POLR3A: variants seen among roughly 807,000 people sequenced by gnomAD.
POLR3A encodes RNA polymerase III subunit A, also known as DNA-directed RNA polymerase III subunit RPC1.
A neutral mutation model predicts 152.8 loss-of-function variants in POLR3A; 112 were observed. That is an observed-to-expected ratio of 0.73 (90% CI 0.63 to 0.86). The LOEUF (loss-of-function observed/expected upper bound fraction) is 0.86. Among genes scored for constraint, POLR3A ranks in the 40% least tolerant of loss-of-function variants. POLR3A has a pLI of 0.00. For synonymous variants in POLR3A, 615 were observed against 652.1 expected, an observed-to-expected ratio of 0.94 and a Z score of 0.87; for missense variants, 1,385 against 1,743.1, an observed-to-expected ratio of 0.79 and a Z score of 3.66.
At chr10:77,979,535 C>G (rs888698960) in intron 30 of POLR3A, among the ~76,000 whole-genome samples, 13 of 152,248 alleles carry the variant, frequency 8.5e-5, no homozygotes, top group Admixed American at 8.5e-4. Context: ...CAGGCCAGCA[C>G]AGCCCCATAA....
intron 21 of POLR3A, among the ~76,000 whole-genome samples, chr10:77,986,647 G>A (rs550617536): frequency 6.6e-6 from 1 of 152,242 alleles, no homozygotes; most frequent in African/African-American, 2.4e-5. Context: ...CACACTTTGA[G>A]CTTACCTTCA....
At chr10:78,028,854 T>A (rs948158099) in intron 1 of POLR3A, among the ~76,000 whole-genome samples, 9 of 150,846 alleles carry the variant, frequency 6.0e-5, no homozygotes, top group Non-Finnish European at 1.3e-4. Flanking sequence ...CCTAATAACG[T>A]ATTTCTGAAG....
chr10:78,008,156 T>C (rs1405080150), intron 14 of POLR3A, among the ~76,000 whole-genome samples: 1 of 152,178 alleles, frequency 6.6e-6, no homozygotes, highest in Non-Finnish European at 1.5e-5. Context: ...ATCAAGCACT[T>C]GTCATCTTTA....
chr10:77,980,383 C>T (rs1334615576), intron 29 of POLR3A, 110 bp from the exon 30 acceptor site: 24 of 1,057,556 alleles, frequency 2.3e-5, no homozygotes, highest in Non-Finnish European at 3.3e-5. Flanking sequence ...CAAGACCCAA[C>T]GTCAGGTGTG....
At chr10:78,001,267 A>G (rs1641721955) in intron 17 of POLR3A, among the ~76,000 whole-genome samples, 173 bp from the exon 18 acceptor site, 1 of 152,220 alleles carries the variant, frequency 6.6e-6, no homozygotes, top group African/African-American at 2.4e-5. Flanking sequence ...TCAGGAACCC[A>G]AGAAAGGCGG....
intron 15 of POLR3A, 72 bp from the exon 16 acceptor site, chr10:78,004,960 C>T: frequency 1.8e-5 from 21 of 1,168,352 alleles, no homozygotes; most frequent in Non-Finnish European, 2.7e-5. Flanking sequence ...ACAGTTTATG[C>T]CTGCTAGATA....
intron 1 of POLR3A, 40 bp from the exon 2 acceptor site, chr10:78,026,269 T>C (rs1009184364): frequency 7.4e-6 from 12 of 1,612,688 alleles, no homozygotes; most frequent in African/African-American, 1.3e-5. Flanking sequence ...CAGCAAAATC[T>C]GTGACCAAAA....
chr10:78,019,307 T>A (rs148613240), intron 8 of POLR3A, 42 bp from the exon 9 acceptor site: 1 of 1,253,518 alleles, frequency 8.0e-7, no homozygotes, highest in Non-Finnish European at 1.2e-6. Context: ...CCCAGGTAAC[T>A]AGAAACTAAC....
intron 19 of POLR3A, 102 bp downstream of exon 19, chr10:77,999,879 C>G: frequency 8.6e-7 from 1 of 1,166,588 alleles, no homozygotes; most frequent in South Asian, 1.3e-5. Flanking sequence ...TAACCCAAGA[C>G]TAGATAAATT....
chr10:77,982,907 G>A (rs1847162122), intron 26 of POLR3A, 90 bp from the exon 27 acceptor site: 2 of 1,264,446 alleles, frequency 1.6e-6, no homozygotes, highest in Middle Eastern at 1.9e-4. Flanking sequence ...CTTTTAGTCA[G>A]GTTTGTTCTA....
chr10:77,979,436 C>T (rs1050352984), intron 30 of POLR3A, among the ~76,000 whole-genome samples: 16 of 152,186 alleles, frequency 1.1e-4, no homozygotes, highest in African/African-American at 3.1e-4. Flanking sequence ...CAGAAAGGCT[C>T]GAGCAAAGCT....
chr10:77,992,984 G>A (rs933271640), intron 20 of POLR3A, among the ~76,000 whole-genome samples: 3 of 152,038 alleles, frequency 2.0e-5, no homozygotes, highest in African/African-American at 4.8e-5. Context: ...CCAAAGTGCT[G>A]TGATCACAGG....
In POLR3A at chr10:78,022,029, CCAGCA is replaced by C; in HGVS notation, c.886-12_886-8del. 1 of 1,614,194 alleles carries C rather than the reference CCAGCA, an allele frequency of 6.2e-7. No individual in the cohort carries two copies. The highest frequency in any genetic ancestry group is 8.5e-7 in the Non-Finnish European group (1 of 1,180,032). On this transcript the variant is annotated splice_polypyrimidine_tract_variant and splice_region_variant and intron_variant, in intron 6 of 30. Coordinates refer to ENST00000372371, the MANE Select transcript of POLR3A (RefSeq NM_007055.4). ...TGGCTCCTGAGATCCGATGCTAAAA[CCAGCA>C]CAGCCCAAACAGAAACAAACCTGGT...
At chr10:78,020,005 C>G (rs1847562740) in intron 8 of POLR3A, 2 of 151,216 alleles carry the variant, frequency 1.3e-5, no homozygotes, top group African/African-American at 4.9e-5. Context: ...GAAACCCCGT[C>G]CCTACTAAGA....
Position 78,029,360 on chromosome 10 carries a change from T to G in POLR3A, c.44+4A>C. The G allele has an allele frequency of 6.2e-7, 1 of 1,614,102 alleles. No individual in the cohort carries two copies. The highest frequency in any genetic ancestry group is 8.5e-7 in the Non-Finnish European group (1 of 1,180,016). ...GCCCTTTGGCCACTCTTACTCCGTC[T>G]TACATTTTCTTGGCCACATCCGTCT... On this transcript the variant is annotated splice_donor_region_variant and intron_variant, in intron 1 of 30. Transcript: ENST00000372371.
intron 11 of POLR3A, chr10:78,013,253 G>A (rs954668726): frequency 3.5e-6 from 1 of 286,810 alleles, no homozygotes. Context: ...GGTGCTTAAA[G>A]AATCTTCAGC....
intron 30 of POLR3A, among the ~76,000 whole-genome samples, chr10:77,978,124 C>T (rs1847106634): frequency 6.6e-6 from 1 of 152,172 alleles, no homozygotes; most frequent in African/African-American, 2.4e-5. Context: ...CCAGGCCAGG[C>T]TTAAGAGCAT....
chr10:77,999,477 T>C (rs1422539629), intron 19 of POLR3A, among the ~76,000 whole-genome samples: 2 of 152,274 alleles, frequency 1.3e-5, no homozygotes, highest in East Asian at 1.9e-4. Flanking sequence ...GCCTCTAGTT[T>C]AGCCCTGTGC....
chr10:77,996,644 AGG>A (rs1215913813), intron 19 of POLR3A, among the ~76,000 whole-genome samples: 2 of 151,278 alleles, frequency 1.3e-5, no homozygotes, highest in East Asian at 1.9e-4. Context: ...GACCAATAAC[AGG>A]AGCTGAAATT....
Sources: gnomAD v4.1 joint callset for allele counts (sites outside exome capture counted in the v4.1 genomes callset) on GRCh38, gnomAD v4.1.1 for gene constraint, MANE v1.5 for transcripts, NCBI Gene and HGNC (gene_info 2026-07-23, HGNC 2026-07-21) for gene names.